The following TRAK1 variants were observed in gnomAD, a reference collection of about 807,000 sequenced individuals.
TRAK1 encodes trafficking kinesin-binding protein 1.
TRAK1 carries 33 observed loss-of-function variants against 92.1 expected under a neutral mutation model. The ratio of observed to expected loss-of-function variants is 0.36; its 90% CI spans 0.27 to 0.48. The LOEUF is 0.48. Among genes scored for constraint, TRAK1 ranks in the 20% least tolerant of loss-of-function variants. The probability of loss-of-function intolerance (pLI) is 0.99; values close to 1 mark genes in which losing one functional copy is unlikely to be tolerated. For missense variants in TRAK1, 1,123 were observed against 1,257.9 expected (o/e 0.89, Z 1.62); for synonymous variants, 521 against 517.3 (o/e 1.01, Z -0.10).
rs1427564266 is a variant in TRAK1 at position 42,176,851 on chromosome 3, A to G, written c.324A>G (p.Thr108=). 2.5e-6 allele frequency: 4 copies of G among 1,614,050 alleles called. No individual in the cohort carries two copies. The African/African-American group carries it at 4.0e-5, about 16-fold the overall frequency. ...CAERVGQMTK[T]YNDIDAVTRL... ...AAAGAGTTGGCCAGATGACTAAGAC[A>G]TATAATGACATAGATGCTGTCACTC... The change falls in exon 3 of 16, where the codon ACA becomes ACG. Residue 108 remains threonine, a synonymous_variant. Coordinates refer to ENST00000327628, the MANE Select transcript of TRAK1 (RefSeq NM_001042646.3).
chr3:42,105,749 A>G (rs1406701978), intron 1 of TRAK1, among the ~76,000 whole-genome samples: 1 of 152,238 alleles, frequency 6.6e-6, no homozygotes. Context: ...GAAGGAAAAA[A>G]TATTAAGGGA....
intron 2 of TRAK1, among the ~76,000 whole-genome samples, chr3:42,157,457 CAA>C (rs60622565): frequency 3.6e-3 from 112 of 31,048 alleles, no homozygotes; most frequent in East Asian, 5.6e-3. Flanking sequence ...GACCCTGTCT[CAA>C]AAAAAAAAAA....
At chr3:42,173,175 G>T (rs952208104) in intron 2 of TRAK1, among the ~76,000 whole-genome samples, 69 of 152,148 alleles carry the variant, frequency 4.5e-4, no homozygotes, top group African/African-American at 1.6e-3. Flanking sequence ...TATCGTAGAG[G>T]TTTATGGTGG....
chr3:42,165,187 C>T (rs1701708625), intron 2 of TRAK1, among the ~76,000 whole-genome samples: 2 of 152,094 alleles, frequency 1.3e-5, no homozygotes, highest in East Asian at 3.9e-4. Context: ...GGTTTAGGTT[C>T]CCCGAGAACA....
intron 1 of TRAK1, among the ~76,000 whole-genome samples, chr3:42,116,741 G>GCT (rs1559788925): frequency 1.2e-4 from 19 of 152,166 alleles, no homozygotes. Flanking sequence ...CAGGGGTCAT[G>GCT]CTCTGCACCC....
intron 1 of TRAK1, among the ~76,000 whole-genome samples, chr3:42,065,493 A>G (rs1703638180): frequency 6.6e-6 from 1 of 152,002 alleles, no homozygotes; most frequent in African/African-American, 2.4e-5. Context: ...TTGGGTTTTG[A>G]ATTTTCAGAT....
chr3:42,194,267 TG>T (rs1332525204), intron 9 of TRAK1, among the ~76,000 whole-genome samples: 2 of 152,218 alleles, frequency 1.3e-5, no homozygotes, highest in Non-Finnish European at 2.9e-5. Context: ...CTTTTTGAGA[TG>T]GGGTCTCATT....
intron 1 of TRAK1, among the ~76,000 whole-genome samples, chr3:42,042,023 C>G (rs929388425): frequency 6.6e-6 from 1 of 152,080 alleles, no homozygotes; most frequent in African/African-American, 2.4e-5. Context: ...AACTCCCAAC[C>G]TCAGGTGATC....
intron 4 of TRAK1, among the ~76,000 whole-genome samples, chr3:42,187,784 TCCC>T (rs1705113403): frequency 6.6e-6 from 1 of 152,130 alleles, no homozygotes; most frequent in African/African-American, 2.4e-5. Flanking sequence ...ATCATTCTAG[TCCC>T]CTCTCTGCTC....
chr3:42,179,280 A>G lies in TRAK1; in HGVS notation c.363+2390A>G, dbSNP rs74703967. 6.6e-3 allele frequency among the ~76,000 whole-genome samples: 998 copies of G among 152,316 alleles called. 6 individuals carry two copies. The highest frequency in any genetic ancestry group is 0.021 in the African/African-American group (875 of 41,572). ...TGGTTAAAGTCTAACTGTCCCAGTCATGTGGCTGTTGCACTGTGCGGTGGT... is the reference window on the plus strand; with the variant it reads ...TGGTTAAAGTCTAACTGTCCCAGTCGTGTGGCTGTTGCACTGTGCGGTGGT... On this transcript the variant is annotated intron_variant, in intron 3 of 15. Coordinates refer to ENST00000327628, the MANE Select transcript of TRAK1 (RefSeq NM_001042646.3).
At chr3:42,059,564 A>G (rs1553706291) in intron 1 of TRAK1, among the ~76,000 whole-genome samples, 1 of 152,104 alleles carries the variant, frequency 6.6e-6, no homozygotes, top group Non-Finnish European at 1.5e-5. Context: ...TTCCTCGTGG[A>G]CACTTCTGTG....
rs200896217 is a variant in TRAK1, at chr3:42,191,649, A to G, written c.769+13A>G. 25 of 1,589,000 alleles carry G rather than the reference A, an allele frequency of 1.6e-5. No homozygotes were observed. In the East Asian group the frequency reaches 5.5e-4, roughly 35 times the overall value. ...GTGAAGGAGCTGAGTATGTCCCCGC[A>G]CTGCTGTCTTCTTACTTCCTTGCAT... On this transcript the variant is annotated intron_variant, in intron 7 of 15. Coordinates refer to ENST00000327628, the MANE Select transcript of TRAK1 (RefSeq NM_001042646.3).
chr3:42,064,141 G>A (rs941545766), intron 1 of TRAK1, among the ~76,000 whole-genome samples: 4 of 152,142 alleles, frequency 2.6e-5, no homozygotes, highest in African/African-American at 9.7e-5. Context: ...CTTCTGTATT[G>A]GGTGGTAATG....
At position 42,219,493 on chromosome 3, in the gene TRAK1, G is replaced by C. The variant is rs760414284; in HGVS notation, c.1964-1G>C. On this transcript the variant is annotated splice_acceptor_variant, in intron 14 of 15. Transcript: ENST00000327628. LOFTEE classifies it high-confidence loss of function. ...AATATGTTTTGTTCCTCCCAATTTA[G>C]CGCACCATCCTGGGAAGTGCATGTC... 1 of 1,613,936 alleles carries C rather than the reference G, an allele frequency of 6.2e-7. No individual in the cohort carries two copies. The highest frequency in any genetic ancestry group is 8.5e-7 in the Non-Finnish European group (1 of 1,179,944).
At chr3:42,078,648 G>T (rs1395063112) in intron 1 of TRAK1, among the ~76,000 whole-genome samples, 1 of 151,648 alleles carries the variant, frequency 6.6e-6, no homozygotes, top group Non-Finnish European at 1.5e-5. Context: ...AGCTACTCGG[G>T]AGCCTGAGGC....
At chr3:42,116,530 C>T (rs918705127) in intron 1 of TRAK1, among the ~76,000 whole-genome samples, 1 of 152,184 alleles carries the variant, frequency 6.6e-6, no homozygotes, top group Non-Finnish European at 1.5e-5. Flanking sequence ...TTATTCCTGC[C>T]CTTTAATCCT....
At chr3:42,025,567 G>A (rs1701881774) in intron 1 of TRAK1, among the ~76,000 whole-genome samples, 2 of 152,114 alleles carry the variant, frequency 1.3e-5, no homozygotes, top group South Asian at 2.1e-4. Context: ...GAGAAAAGAA[G>A]AATGTGTCTG....
At chr3:42,075,897 C>T (rs1370622806) in intron 1 of TRAK1, among the ~76,000 whole-genome samples, 1 of 152,084 alleles carries the variant, frequency 6.6e-6, no homozygotes, top group African/African-American at 2.4e-5. Flanking sequence ...GGCTGGAGTG[C>T]AGTGGCACGA....
At position 42,022,941 on chromosome 3, in the gene TRAK1, G is replaced by A. The variant is rs150924197; in HGVS notation, c.-519+8824G>A. ...TGGGAGGCTGAGGCTGGCGGATCAC[G>A]AGGTCAGGAGTTGGAGACGATCCTG... On this transcript the variant is annotated intron_variant, in intron 1 of 16. Transcript: ENST00000487159. Among the ~76,000 whole-genome samples the A allele has an allele frequency of 8.1e-3, 1,222 of 151,796 alleles. 51 individuals are homozygous for A. The East Asian group carries it at 0.13, about 16-fold the overall frequency.
Sources: allele counts gnomAD v4.1 joint callset (sites outside exome capture counted in the v4.1 genomes callset), GRCh38; gene constraint gnomAD v4.1.1; transcripts MANE v1.5; gene names NCBI Gene and HGNC (gene_info 2026-07-23, HGNC 2026-07-21).